The following GPC5 variants were observed in gnomAD, a reference collection of about 807,000 sequenced individuals.
The protein encoded by GPC5 is glypican 5.
In GPC5, 47 loss-of-function variants were observed where a neutral mutation model predicts 53.9. The ratio of observed to expected loss-of-function variants is 0.87; its 90% CI spans 0.69 to 1.11. The LOEUF (loss-of-function observed/expected upper bound fraction) is 1.11. GPC5 is among the 50% of genes most tolerant of loss of function. GPC5 has a pLI of 0.00. For missense variants in GPC5, 748 were observed against 713.1 expected (o/e 1.05, Z -0.56); for synonymous variants, 286 against 263.3 (o/e 1.09, Z -0.84).
intron 7 of GPC5, among the ~76,000 whole-genome samples, chr13:92,385,471 CATAT>C (rs879333572): frequency 0.16 from 11,764 of 75,634 alleles, 2,265 homozygotes; most frequent in African/African-American, 0.3. Context: ...CACATATATA[CATAT>C]ATACATATAT....
chr13:91,718,101 T>TG lies in GPC5; in HGVS notation c.1021-10430dup, dbSNP rs2036381826. On this transcript the variant is annotated intron_variant, in intron 3 of 7. Coordinates refer to ENST00000377067, the MANE Select transcript of GPC5 (RefSeq NM_004466.6). ...TAGCCTCCCACTTTCCCCTAATCTT[T>TG]GTTGTTGTTGTTGTTGTTGTTGTTG... 4.1e-5 allele frequency among the ~76,000 whole-genome samples: 6 copies of TG among 147,492 alleles called. No homozygotes were observed. The South Asian group carries it at 1.3e-3, about 32-fold the overall frequency.
intron 7 of GPC5, among the ~76,000 whole-genome samples, chr13:92,415,124 A>G (rs16947570): frequency 0.015 from 2,330 of 152,324 alleles, 68 homozygotes; most frequent in African/African-American, 0.054. Flanking sequence ...GAGATGCGAG[A>G]AACATAAAGC....
chr13:91,591,966 C>T (rs2032816229), intron 2 of GPC5, among the ~76,000 whole-genome samples: 1 of 152,166 alleles, frequency 6.6e-6, no homozygotes, highest in African/African-American at 2.4e-5. Context: ...GGTTAAGAAC[C>T]ATTGCTGGAG....
intron 7 of GPC5, among the ~76,000 whole-genome samples, chr13:92,157,216 G>T (rs552065390): frequency 1.3e-5 from 2 of 152,242 alleles, no homozygotes; most frequent in South Asian, 2.1e-4. Flanking sequence ...GTATATGAAA[G>T]AAATTGCAAC....
chr13:92,711,546 A>G (rs1419277191), intron 7 of GPC5, among the ~76,000 whole-genome samples: 1 of 152,156 alleles, frequency 6.6e-6, no homozygotes, highest in Non-Finnish European at 1.5e-5. Flanking sequence ...TAGAACAACT[A>G]GAAAGAAAAT....
chr13:92,316,292 A>G (rs1258091814), intron 7 of GPC5, among the ~76,000 whole-genome samples: 2 of 152,204 alleles, frequency 1.3e-5, no homozygotes, highest in Non-Finnish European at 2.9e-5. Context: ...CTTCAGGATA[A>G]CTAAGTATAA....
At position 92,094,388 on chromosome 13, in the gene GPC5, C is replaced by T. The variant is rs186720709; in HGVS notation, c.1402-50442C>T. ...AAACAAAATTAGCCAGGTGTGGTGG[C>T]GCACACCTGTAGTCCCAGCTACTCA... On this transcript the variant is annotated intron_variant, in intron 6 of 7. Transcript: ENST00000377067. Among the ~76,000 whole-genome samples, 979 of 151,648 alleles carry T rather than the reference C, an allele frequency of 6.5e-3. 17 individuals are homozygous for T. The highest frequency in any genetic ancestry group is 0.022 in the African/African-American group (924 of 41,366).
At chr13:92,369,232 G>A (rs1424707545) in intron 7 of GPC5, among the ~76,000 whole-genome samples, 1 of 152,196 alleles carries the variant, frequency 6.6e-6, no homozygotes. Flanking sequence ...CACCCAGGCT[G>A]GAGTGCAGTG....
chr13:92,363,929 C>T (rs977119332), intron 7 of GPC5, among the ~76,000 whole-genome samples: 27 of 151,540 alleles, frequency 1.8e-4, no homozygotes, highest in East Asian at 3.9e-4. Flanking sequence ...ACAAGAATGC[C>T]GAAACAGTGA....
At chr13:91,589,417 C>T (rs1260699250) in intron 2 of GPC5, among the ~76,000 whole-genome samples, 3 of 152,082 alleles carry the variant, frequency 2.0e-5, no homozygotes, top group Non-Finnish European at 4.4e-5. Flanking sequence ...AAACAGGCTA[C>T]TGTGTTCAGT....
intron 5 of GPC5, among the ~76,000 whole-genome samples, chr13:91,883,261 T>G (rs2039286711): frequency 6.6e-6 from 1 of 152,148 alleles, no homozygotes. Flanking sequence ...GATCAAACAT[T>G]CCAAGGGAAC....
chr13:92,695,526 T>C lies in GPC5; in HGVS notation c.1562-170756T>C, dbSNP rs140662915. On this transcript the variant is annotated intron_variant, in intron 7 of 7. Transcript: ENST00000377067. ...ATTTATATCTGTTTTTTTTTCATCTTGTGAAATTTGCCAAGCTCTCCAATA... is the reference window on the plus strand; with the variant it reads ...ATTTATATCTGTTTTTTTTTCATCTCGTGAAATTTGCCAAGCTCTCCAATA... Among the ~76,000 whole-genome samples the C allele has an allele frequency of 1.4e-3, 216 of 152,174 alleles. 1 individual carries two copies. Among genetic ancestry groups the C allele is most frequent in the African/African-American group, 4.8e-3 (201 of 41,522 alleles).
intron 5 of GPC5, among the ~76,000 whole-genome samples, chr13:91,874,876 C>T (rs2039185102): frequency 6.6e-6 from 1 of 152,000 alleles, no homozygotes; most frequent in African/African-American, 2.4e-5. Context: ...TCATTTTGTG[C>T]TAATTTTCCA....
At chr13:91,436,043 T>C (rs1879916663) in intron 1 of GPC5, among the ~76,000 whole-genome samples, 2 of 152,250 alleles carry the variant, frequency 1.3e-5, no homozygotes, top group African/African-American at 4.8e-5. Context: ...ATCCCCTTTA[T>C]CATTTTTTAT....
chr13:91,926,253 C>T lies in GPC5; in HGVS notation c.1401+18196C>T, dbSNP rs560693131. 2.3e-4 allele frequency among the ~76,000 whole-genome samples: 34 copies of T among 150,302 alleles called. 1 individual carries two copies. The South Asian group carries it at 5.9e-3, about 26-fold the overall frequency. On this transcript the variant is annotated intron_variant, in intron 6 of 7. Coordinates refer to ENST00000377067, the MANE Select transcript of GPC5 (RefSeq NM_004466.6). ...GCATGCACCTGTAGTCCCAGCTACT[C>T]GGGAGGCTGAGGCAGGAGAATCACT...
intron 2 of GPC5, among the ~76,000 whole-genome samples, chr13:91,668,571 T>TTG (rs1182511879): frequency 6.6e-6 from 1 of 152,176 alleles, no homozygotes; most frequent in Non-Finnish European, 1.5e-5. Flanking sequence ...TTGTATCCTA[T>TTG]TGTTTCCTAT....
intron 7 of GPC5, among the ~76,000 whole-genome samples, chr13:92,774,215 T>G (rs1875713338): frequency 6.6e-6 from 1 of 152,186 alleles, no homozygotes. Flanking sequence ...TCAGTCAACT[T>G]TTTCCAGCCA....
intron 6 of GPC5, among the ~76,000 whole-genome samples, chr13:92,137,951 T>G (rs4257095): frequency 0.58 from 87,536 of 151,996 alleles, 25,540 homozygotes; most frequent in Non-Finnish European, 0.61. Flanking sequence ...TAGGTTCACC[T>G]ATTATAAAAA....
intron 6 of GPC5, among the ~76,000 whole-genome samples, chr13:92,000,509 G>T (rs1211008743): frequency 6.6e-6 from 1 of 152,074 alleles, no homozygotes; most frequent in Non-Finnish European, 1.5e-5. Context: ...ATGTTTGGAA[G>T]GTTGTAGGAA....
Sources: gnomAD v4.1 joint callset for allele counts (sites outside exome capture counted in the v4.1 genomes callset) on GRCh38, gnomAD v4.1.1 for gene constraint, MANE v1.5 for transcripts, NCBI Gene and HGNC (gene_info 2026-07-23, HGNC 2026-07-21) for gene names.